The following NRG3 variants were observed in gnomAD, a reference collection of about 807,000 sequenced individuals.
NRG3 encodes the protein pro-neuregulin-3, membrane-bound isoform.
A neutral mutation model predicts 66.9 loss-of-function variants in NRG3; 31 were observed. The ratio of observed to expected loss-of-function variants is 0.46; its 90% confidence interval spans 0.35 to 0.63. The LOEUF (loss-of-function observed/expected upper bound fraction) is 0.63, where lower values mean the gene tolerates loss of function less well. Among genes scored for constraint, NRG3 ranks in the 20% least tolerant of loss-of-function variants. NRG3 has a pLI of 0.00. For missense variants in NRG3, 910 were observed against 878.9 expected (o/e 1.04, Z -0.45); for synonymous variants, 393 against 359.4 (o/e 1.09, Z -1.06).
intron 1 of NRG3, among the ~76,000 whole-genome samples, chr10:82,263,605 A>G (rs765935898): frequency 1.3e-5 from 2 of 152,094 alleles, no homozygotes; most frequent in Non-Finnish European, 2.9e-5. Context: ...TTTATACTAC[A>G]TACACACACA....
intron 3 of NRG3, among the ~76,000 whole-genome samples, chr10:82,808,285 A>G (rs1173579521): frequency 6.6e-6 from 1 of 152,144 alleles, no homozygotes; most frequent in Non-Finnish European, 1.5e-5. Context: ...GCTTATAAAT[A>G]CAGTTTCTAC....
intron 2 of NRG3, among the ~76,000 whole-genome samples, chr10:82,463,153 C>CA (rs758966661): frequency 7.2e-5 from 11 of 152,202 alleles, no homozygotes; most frequent in Non-Finnish European, 1.6e-4. Context: ...GCCCTCTGAG[C>CA]ACTTTTTGCT....
At chr10:82,940,573 A>G (rs1165839941) in intron 4 of NRG3, among the ~76,000 whole-genome samples, 1 of 152,142 alleles carries the variant, frequency 6.6e-6, no homozygotes, top group Non-Finnish European at 1.5e-5. Context: ...GGGCTGCATA[A>G]CAAAGTACCC....
intron 2 of NRG3, among the ~76,000 whole-genome samples, chr10:82,520,480 G>T (rs961229874): frequency 2.0e-5 from 3 of 151,956 alleles, no homozygotes; most frequent in African/African-American, 4.8e-5. Flanking sequence ...AGGGTAAAAA[G>T]ATGACATTTT....
intron 1 of NRG3, among the ~76,000 whole-genome samples, chr10:82,056,588 A>G (rs1433581292): frequency 6.6e-6 from 1 of 151,816 alleles, no homozygotes; most frequent in Non-Finnish European, 1.5e-5. Flanking sequence ...TAGATGTGAC[A>G]CAGAGCCAGG....
intron 2 of NRG3, among the ~76,000 whole-genome samples, chr10:82,506,140 C>T (rs752108745): frequency 6.6e-6 from 1 of 152,082 alleles, no homozygotes; most frequent in Non-Finnish European, 1.5e-5. Context: ...CCCAGCTACT[C>T]GGGAGACTGA....
intron 3 of NRG3, among the ~76,000 whole-genome samples, chr10:82,834,553 C>G (rs2062685577): frequency 6.6e-6 from 1 of 152,122 alleles, no homozygotes; most frequent in Admixed American, 6.6e-5. Context: ...GGTCACTGAA[C>G]TTAATAAAAA....
At chr10:82,354,330 T>G (rs2083639680) in intron 1 of NRG3, among the ~76,000 whole-genome samples, 1 of 151,768 alleles carries the variant, frequency 6.6e-6, no homozygotes, top group African/African-American at 2.4e-5. Flanking sequence ...TGAGCCAGAG[T>G]GCCTGGCCTG....
intron 1 of NRG3, among the ~76,000 whole-genome samples, chr10:82,349,022 T>C (rs1480125494): frequency 6.6e-6 from 1 of 152,182 alleles, no homozygotes; most frequent in African/African-American, 2.4e-5. Flanking sequence ...AATGTCCTCC[T>C]GTAGCTCAGA....
At chr10:82,040,036 A>C (rs1367302512) in intron 1 of NRG3, among the ~76,000 whole-genome samples, 1 of 152,140 alleles carries the variant, frequency 6.6e-6, no homozygotes, top group Non-Finnish European at 1.5e-5. Context: ...GTTAAGAAGG[A>C]GGATTCATAC....
chr10:82,150,209 T>C (rs2070603797), intron 1 of NRG3, among the ~76,000 whole-genome samples: 1 of 152,118 alleles, frequency 6.6e-6, no homozygotes. Flanking sequence ...CACTGCCAGC[T>C]CTCTGCACAT....
At chr10:82,208,558 C>G (rs998407579) in intron 1 of NRG3, among the ~76,000 whole-genome samples, 1 of 151,576 alleles carries the variant, frequency 6.6e-6, no homozygotes, top group Admixed American at 6.6e-5. Flanking sequence ...TAAAAGAGCA[C>G]GAACAAAGAC....
chr10:82,840,691 C>G (rs78383965), intron 3 of NRG3, among the ~76,000 whole-genome samples: 2 of 152,078 alleles, frequency 1.3e-5, no homozygotes, highest in African/African-American at 4.8e-5. Context: ...CTTGTGTCAT[C>G]GCAGGCACTC....
intron 1 of NRG3, among the ~76,000 whole-genome samples, chr10:82,170,655 T>TGTAC: frequency 5.9e-5 from 1 of 17,084 alleles, no homozygotes; most frequent in Non-Finnish European, 9.0e-5. Flanking sequence ...AAACTTGTGG[T>TGTAC]ATATATATAT....
intron 1 of NRG3, among the ~76,000 whole-genome samples, chr10:82,093,952 G>A (rs2066183955): frequency 6.6e-6 from 1 of 152,186 alleles, no homozygotes; most frequent in East Asian, 1.9e-4. Flanking sequence ...TGTCCAAAAC[G>A]CCAAATATTA....
intron 3 of NRG3, among the ~76,000 whole-genome samples, chr10:82,752,082 A>G (rs2058889549): frequency 6.6e-6 from 1 of 152,178 alleles, no homozygotes; most frequent in Non-Finnish European, 1.5e-5. Context: ...ACTAGCTCCC[A>G]TTTTAAATGT....
rs750077672 is a variant in NRG3, at chr10:82,144,515, A to C, written c.824-214224A>C. Among the ~76,000 whole-genome samples the C allele has an allele frequency of 2.1e-4, 32 of 152,310 alleles. No individual in the cohort carries two copies. In the Middle Eastern group the frequency reaches 0.014, roughly 65 times the overall value. On this transcript the variant is annotated intron_variant, in intron 1 of 8. Transcript: ENST00000372141. ...TCAATATTTGTGGCAATTAGCAGCTATTCTTGGGTAACCTTTAGTTAAAAG... is the reference window on the plus strand; with the variant it reads ...TCAATATTTGTGGCAATTAGCAGCTCTTCTTGGGTAACCTTTAGTTAAAAG...
At chr10:82,278,363 G>A (rs1297712647) in intron 1 of NRG3, among the ~76,000 whole-genome samples, 3 of 152,094 alleles carry the variant, frequency 2.0e-5, no homozygotes, top group Non-Finnish European at 2.9e-5. Context: ...TCTTTAGTGA[G>A]TGGTGCTGAA....
intron 1 of NRG3, among the ~76,000 whole-genome samples, chr10:81,935,919 A>ACAC (rs1554859984): frequency 0.014 from 2,017 of 146,750 alleles, 54 homozygotes; most frequent in African/African-American, 0.045. Flanking sequence ...ACACACACAC[A>ACAC]CACACAGTTT....
Sources: gnomAD v4.1 joint callset for allele counts (sites outside exome capture counted in the v4.1 genomes callset) on GRCh38, gnomAD v4.1.1 for gene constraint, MANE v1.5 for transcripts, NCBI Gene and HGNC (gene_info 2026-07-23, HGNC 2026-07-21) for gene names.